The following CATSPERT variants were observed in gnomAD, a reference collection of about 807,000 sequenced individuals.
CATSPERT encodes catsper channel auxiliary subunit tau.
chr2:201,581,139 C>T, the CATSPERT span, among the ~76,000 whole-genome samples: 1 of 151,862 alleles, frequency 6.6e-6, no homozygotes, highest in African/African-American at 2.4e-5. Flanking sequence ...GGCACAGTGG[C>T]TCAGGCCTGT....
the CATSPERT span, chr2:201,547,711 A>G: frequency 1.6e-6 from 1 of 611,958 alleles, no homozygotes; most frequent in Non-Finnish European, 2.7e-6. Context: ...CATTTATAAA[A>G]TGTTCTAAAA....
At chr2:201,563,357 G>A in the CATSPERT span, among the ~76,000 whole-genome samples, 4 of 135,532 alleles carry the variant, frequency 3.0e-5, 2 homozygotes, top group African/African-American at 5.7e-5. Flanking sequence ...GCGGCTGGCC[G>A]GGCGGGGGGC....
chr2:201,554,886 C>T, the CATSPERT span: 37 of 152,236 alleles, frequency 2.4e-4, no homozygotes, highest in African/African-American at 8.2e-4. Flanking sequence ...AATTTTTATC[C>T]AAAACTCCAC....
the CATSPERT span, chr2:201,582,024 A>T: frequency 2.6e-6 from 4 of 1,546,564 alleles, no homozygotes; most frequent in Non-Finnish European, 3.5e-6. Context: ...ATCAAGTATA[A>T]TAAATCACAA....
chr2:201,560,948 A>G, the CATSPERT span, among the ~76,000 whole-genome samples: 2 of 152,078 alleles, frequency 1.3e-5, no homozygotes, highest in Admixed American at 6.5e-5. Flanking sequence ...ACGCCTGGCT[A>G]ATTTTTGAAT....
At chr2:201,575,188 G>A in the CATSPERT span, 2 of 1,045,284 alleles carry the variant, frequency 1.9e-6, no homozygotes, top group Non-Finnish European at 2.7e-6. Flanking sequence ...ATAAAAACAT[G>A]TAGGCTACAA....
the CATSPERT span, among the ~76,000 whole-genome samples, chr2:201,516,620 A>G: frequency 1.3e-5 from 2 of 152,162 alleles, no homozygotes; most frequent in African/African-American, 4.8e-5. Context: ...TGTTGACCAA[A>G]ATGTCATTAT....
the CATSPERT span, chr2:201,582,302 T>G: frequency 8.0e-7 from 1 of 1,253,924 alleles, no homozygotes; most frequent in South Asian, 1.6e-5. Flanking sequence ...ACTATTACTA[T>G]ATTATGCAAA....
chr2:201,572,038 G>A, the CATSPERT span: 2 of 1,579,140 alleles, frequency 1.3e-6, no homozygotes, highest in Admixed American at 3.3e-5. Context: ...AAATGTAAGT[G>A]TATTTTAGCA....
At chr2:201,564,128 C>T in the CATSPERT span, among the ~76,000 whole-genome samples, 2 of 152,306 alleles carry the variant, frequency 1.3e-5, no homozygotes, top group African/African-American at 4.8e-5. Context: ...TCATGTGCCT[C>T]ACACTAGTCC....
the CATSPERT span, among the ~76,000 whole-genome samples, chr2:201,515,177 A>T: frequency 8.0e-6 from 1 of 124,740 alleles, no homozygotes; most frequent in Non-Finnish European, 1.7e-5. Context: ...TGCCAAAGGA[A>T]TTGAGTGTTG....
the CATSPERT span, among the ~76,000 whole-genome samples, chr2:201,604,038 T>A: frequency 6.6e-6 from 1 of 152,200 alleles, no homozygotes; most frequent in African/African-American, 2.4e-5. Flanking sequence ...CAGTTCTATA[T>A]GCATGTAGAT....
chr2:201,571,969 G>T, the CATSPERT span: 1 of 1,613,348 alleles, frequency 6.2e-7, no homozygotes, highest in Non-Finnish European at 8.5e-7. Flanking sequence ...TCTGGAGGTG[G>T]TGCAAGATTC....
chr2:201,592,531 T>G, the CATSPERT span, among the ~76,000 whole-genome samples: 460 of 151,232 alleles, frequency 3.0e-3, 2 homozygotes, highest in African/African-American at 8.2e-3. Context: ...TTTTTCTATT[T>G]ATTGGAATAG....
chr2:201,580,434 C>T, the CATSPERT span, among the ~76,000 whole-genome samples: 1 of 152,142 alleles, frequency 6.6e-6, no homozygotes, highest in Non-Finnish European at 1.5e-5. Flanking sequence ...CAAAGAGTTG[C>T]AAAAACAATA....
chr2:201,571,995 T>A, the CATSPERT span: 2 of 1,613,146 alleles, frequency 1.2e-6, no homozygotes, highest in South Asian at 2.2e-5. Context: ...CATGGATGGC[T>A]CAGTAATTTT....
the CATSPERT span, among the ~76,000 whole-genome samples, chr2:201,518,102 T>C: frequency 6.6e-6 from 1 of 152,176 alleles, no homozygotes; most frequent in South Asian, 2.1e-4. Context: ...CTGGGCCCTA[T>C]TAAAAGGATG....
chr2:201,607,485 C>T, the CATSPERT span, among the ~76,000 whole-genome samples: 1 of 152,148 alleles, frequency 6.6e-6, no homozygotes, highest in Non-Finnish European at 1.5e-5. Flanking sequence ...TACCGGCCCC[C>T]ATCTCTACAA....
At chr2:201,562,991 C>A in the CATSPERT span, among the ~76,000 whole-genome samples, 3 of 150,994 alleles carry the variant, frequency 2.0e-5, no homozygotes, top group African/African-American at 7.3e-5. Flanking sequence ...TCCACAAAGC[C>A]GCCATTGTCA....
Sources: allele counts gnomAD v4.1 joint callset (sites outside exome capture counted in the v4.1 genomes callset), GRCh38; gene constraint gnomAD v4.1.1; transcripts MANE v1.5; gene names NCBI Gene and HGNC (gene_info 2026-07-23, HGNC 2026-07-21).